M1AP: variants seen among roughly 807,000 people sequenced by gnomAD.
M1AP encodes meiosis 1 associated protein, also known as meiosis 1 arrest protein.
M1AP carries 39 observed loss-of-function variants against 51.2 expected under a neutral mutation model. The ratio of observed to expected loss-of-function variants is 0.76; its 90% CI spans 0.59 to 1.00. The LOEUF (loss-of-function observed/expected upper bound fraction) is 1.00. M1AP is among the 50% of genes least tolerant of loss of function. The probability of loss-of-function intolerance (pLI) is 0.00; values close to 1 mark genes in which losing one functional copy is unlikely to be tolerated. For missense variants in M1AP, 545 were observed against 641.2 expected, an observed-to-expected ratio of 0.85 and a Z score of 1.62; for synonymous variants, 251 against 249.2, an observed-to-expected ratio of 1.01 and a Z score of -0.07.
intron 4 of M1AP, among the ~76,000 whole-genome samples, chr2:74,591,190 C>T (rs1680018835): frequency 6.6e-6 from 1 of 152,154 alleles, no homozygotes; most frequent in African/African-American, 2.4e-5. Context: ...TCACTAAAAG[C>T]CAGTGCCATT....
At chr2:74,564,804 G>A (rs955524081) in intron 7 of M1AP, among the ~76,000 whole-genome samples, 1 of 152,202 alleles carries the variant, frequency 6.6e-6, no homozygotes, top group African/African-American at 2.4e-5. Flanking sequence ...AGTTTCAGGG[G>A]ACTCCATTTC....
chr2:74,644,537 C>CA (rs60145444), intron 1 of M1AP, among the ~76,000 whole-genome samples: 2,028 of 82,934 alleles, frequency 0.024, 39 homozygotes, highest in African/African-American at 0.059. Context: ...GACCCCGTCT[C>CA]AAAAAAAAAA....
chr2:74,558,978 C>T lies in M1AP; in HGVS notation c.1435-104G>A, dbSNP rs1415952741. 3 of 1,139,368 alleles carry T rather than the reference C, an allele frequency of 2.6e-6. No individual in the cohort carries two copies. The East Asian group carries it at 8.5e-5, about 32-fold the overall frequency. The allele number at this position is 1,139,368 out of a possible 1,614,324, so 70.6% of individuals were successfully genotyped here. ...TCCTAACTCTTTCCTAAGTTCATTC[C>T]CTGGAGTGACAGCCTCAAGGCCGAG... On this transcript the variant is annotated intron_variant, in intron 10 of 10. Coordinates refer to ENST00000421985, the MANE Select transcript of M1AP (RefSeq NM_001321739.2).
chr2:74,641,288 C>T (rs1683284363), intron 1 of M1AP, among the ~76,000 whole-genome samples: 1 of 152,192 alleles, frequency 6.6e-6, no homozygotes. Flanking sequence ...ATACTCCTGC[C>T]TTCTTTCTCT....
At chr2:74,632,950 TG>T (rs753032111) in intron 2 of M1AP, among the ~76,000 whole-genome samples, 4 of 152,190 alleles carry the variant, frequency 2.6e-5, no homozygotes, top group Non-Finnish European at 5.9e-5. Context: ...TACCCTTGTT[TG>T]GGACATGGGC....
rs1677892556 is a variant in M1AP at position 74,561,051 on chromosome 2, TGGAGGAGGAGGGGAGGAGGAGGAGGA to T, written c.1282-786_1282-761del. 6.2e-5 allele frequency among the ~76,000 whole-genome samples: 5 copies of T among 80,344 alleles called. No individual in the cohort carries two copies. In the Admixed American group the frequency reaches 7.7e-4, roughly 12 times the overall value. 52.7% of individuals were successfully genotyped at this position (80,344 alleles called of 152,430 possible). A position where few individuals can be genotyped will look rare whatever the true frequency, so the allele number is the denominator to read the frequency against. ...GAAAAGGAGAAGGAGGAGAAACAGGTGGAGGAGGAGGGGAGGAGGAGGAGGAGGAGGAGGAGGAGAAGGAGAAGGAG... is the reference window on the plus strand; with the variant it reads ...GAAAAGGAGAAGGAGGAGAAACAGGTGGAGGAGGAGGAGAAGGAGAAGGAG... On this transcript the variant is annotated intron_variant, in intron 8 of 10. Transcript: ENST00000421985.
intron 2 of M1AP, chr2:74,628,220 C>A: frequency 4.4e-6 from 1 of 228,854 alleles, no homozygotes. Context: ...AAAACAAAGC[C>A]AATCCTCCTC....
At chr2:74,623,545 G>C in intron 2 of M1AP, among the ~76,000 whole-genome samples, 1 of 151,670 alleles carries the variant, frequency 6.6e-6, no homozygotes. Flanking sequence ...GAGGCATTGA[G>C]ACATACCCTC....
chr2:74,584,830 T>A lies in M1AP; in HGVS notation c.596-2983A>T, dbSNP rs546676362. ...CATATATATATATATATATATATAT[T>A]TTATTATTATTTTTTTATTTTATTT... is the stretch of plus-strand genomic sequence containing the variant. On this transcript the variant is annotated intron_variant, in intron 4 of 10. Coordinates refer to ENST00000421985, the MANE Select transcript of M1AP (RefSeq NM_001321739.2). 1.6e-3 allele frequency among the ~76,000 whole-genome samples: 218 copies of A among 140,412 alleles called. 2 individuals are homozygous for A. The East Asian group carries it at 0.026, about 17-fold the overall frequency. The allele number at this position is 140,412 out of a possible 152,430, so 92.1% of individuals were successfully genotyped here.
Position 74,581,800 on chromosome 2 carries a change from C to A in M1AP, c.643G>T (p.Asp215Tyr). The change falls in exon 5 of 11, where the codon GAT becomes TAT. Residue 215 changes from aspartate (D) to tyrosine (Y), a missense_variant. Asp to Tyr is a radical substitution (Grantham distance 160, BLOSUM62 -3). Coordinates refer to ENST00000421985, the MANE Select transcript of M1AP (RefSeq NM_001321739.2). ...TDIDLQTIDN[D>Y]IVSMEIFFKA... ...AAGAAAATCTCCATGCTGACGATAT[C>A]ATTGTCTATAGTCTGAAGGTCAATG... 1 of 1,614,010 alleles carries A rather than the reference C, an allele frequency of 6.2e-7. No individual in the cohort carries two copies. Among genetic ancestry groups the A allele is most frequent in the Non-Finnish European group, 8.5e-7 (1 of 1,179,878 alleles).
intron 2 of M1AP, chr2:74,628,519 C>A: frequency 4.2e-6 from 2 of 473,668 alleles, no homozygotes; most frequent in East Asian, 1.0e-4. Flanking sequence ...GCACTAAAGG[C>A]AAATATCACC....
intron 2 of M1AP, chr2:74,619,258 T>A (rs1250325169): frequency 4.8e-6 from 1 of 208,390 alleles, no homozygotes; most frequent in Non-Finnish European, 9.9e-6. Flanking sequence ...AAAACCTTTT[T>A]GTAGTGGTCT....
At chr2:74,614,637 G>C (rs763407873) in intron 3 of M1AP, among the ~76,000 whole-genome samples, 2 of 152,316 alleles carry the variant, frequency 1.3e-5, no homozygotes, top group Admixed American at 6.5e-5. Context: ...AGCTACCAAT[G>C]TAGGCAGTTT....
chr2:74,584,775 A>T (rs1225356624), intron 4 of M1AP, among the ~76,000 whole-genome samples: 1 of 148,864 alleles, frequency 6.7e-6, no homozygotes, highest in Non-Finnish European at 1.5e-5. Context: ...CCAAGGCAAG[A>T]TTTGGCTGTA....
chr2:74,637,486 GA>G (rs1683051470), intron 2 of M1AP, among the ~76,000 whole-genome samples: 1 of 152,142 alleles, frequency 6.6e-6, no homozygotes, highest in Non-Finnish European at 1.5e-5. Flanking sequence ...AGTTTTGATT[GA>G]ATGTCAGACA....
intron 5 of M1AP, among the ~76,000 whole-genome samples, chr2:74,577,816 G>C (rs1255910420): frequency 6.6e-6 from 1 of 152,178 alleles, no homozygotes; most frequent in Non-Finnish European, 1.5e-5. Flanking sequence ...CTTTAGGACT[G>C]GACAGCTGTG....
At chr2:74,586,762 A>T (rs1045610518) in intron 4 of M1AP, among the ~76,000 whole-genome samples, 1 of 152,134 alleles carries the variant, frequency 6.6e-6, no homozygotes, top group African/African-American at 2.4e-5. Flanking sequence ...GCACTTTGGG[A>T]GGCTGAGGCG....
At chr2:74,568,338 G>C (rs1335252470) in intron 7 of M1AP, among the ~76,000 whole-genome samples, 1 of 152,202 alleles carries the variant, frequency 6.6e-6, no homozygotes, top group African/African-American at 2.4e-5. Flanking sequence ...CGGAAAAGCT[G>C]GATAATTTGT....
chr2:74,590,028 G>A (rs1679948369), intron 4 of M1AP, among the ~76,000 whole-genome samples: 1 of 152,324 alleles, frequency 6.6e-6, no homozygotes, highest in East Asian at 1.9e-4. Context: ...ATTCAAAGCC[G>A]TCCTGGGCTG....
Sources: allele counts gnomAD v4.1 joint callset (sites outside exome capture counted in the v4.1 genomes callset), GRCh38; gene constraint gnomAD v4.1.1; transcripts MANE v1.5; gene names NCBI Gene and HGNC (gene_info 2026-07-23, HGNC 2026-07-21).